The following CELF1 variants were observed in gnomAD, a reference collection of about 807,000 sequenced individuals.
The protein encoded by CELF1 is CUGBP Elav-like family member 1, also known as 50 kDa nuclear polyadenylated RNA-binding protein.
In CELF1, 10 loss-of-function variants were observed where a neutral mutation model predicts 61.8. The observed-to-expected ratio is 0.16, with a 90% CI of 0.10 to 0.27. The LOEUF is 0.27. Ranked by LOEUF, CELF1 falls within the 10% of genes least tolerant of loss-of-function variation. CELF1 has a pLI of 1.00. For synonymous variants in CELF1, 236 were observed against 225.1 expected (o/e 1.05, Z -0.43); for missense variants, 380 against 639.1 (o/e 0.59, Z 4.37).
intron 2 of CELF1, among the ~76,000 whole-genome samples, chr11:47,560,887 C>CCAG (rs1448639527): frequency 1.3e-5 from 2 of 152,188 alleles, no homozygotes; most frequent in Non-Finnish European, 2.9e-5. Context: ...GCCTGTAAGC[C>CCAG]CAGCACTTTG....
At chr11:47,475,245 C>A in intron 13 of CELF1, 91 bp downstream of exon 13, 1 of 1,205,532 alleles carries the variant, frequency 8.3e-7, no homozygotes, top group Admixed American at 1.8e-5. Flanking sequence ...GACGACCTAA[C>A]TGGTTCCCTC....
chr11:47,473,920 T>C (rs1009173375), intron 13 of CELF1, among the ~76,000 whole-genome samples: 3 of 146,114 alleles, frequency 2.1e-5, no homozygotes, highest in Non-Finnish European at 4.5e-5. Flanking sequence ...TCTTTCTTTT[T>C]TTTTGAGATA....
intron 1 of CELF1, among the ~76,000 whole-genome samples, chr11:47,541,797 A>T: frequency 8.1e-6 from 1 of 123,286 alleles, no homozygotes; most frequent in Admixed American, 8.5e-5. Context: ...AAAGAACGAA[A>T]GAAAGAAAGA....
chr11:47,559,000 T>G (rs1248173376), intron 2 of CELF1, among the ~76,000 whole-genome samples: 1 of 142,052 alleles, frequency 7.0e-6, no homozygotes, highest in African/African-American at 2.6e-5. Context: ...TAATATATGT[T>G]ATACATAATA....
At chr11:47,546,894 C>T (rs997024214) in intron 1 of CELF1, among the ~76,000 whole-genome samples, 10 of 151,436 alleles carry the variant, frequency 6.6e-5, no homozygotes, top group Admixed American at 5.3e-4. Flanking sequence ...GAGAAACCTC[C>T]GTCTCTACTA....
chr11:47,525,614 G>C (rs1462868417), intron 1 of CELF1, among the ~76,000 whole-genome samples: 1 of 152,162 alleles, frequency 6.6e-6, no homozygotes, highest in Non-Finnish European at 1.5e-5. Context: ...GCCCAGCCTG[G>C]TTATGTATTT....
At chr11:47,475,313 C>T in intron 13 of CELF1, 23 bp downstream of exon 13, 1 of 1,611,682 alleles carries the variant, frequency 6.2e-7, no homozygotes, top group Non-Finnish European at 8.5e-7. Flanking sequence ...CCATACCTGA[C>T]CCCGATCTCC....
chr11:47,512,092 C>T (rs756997957), intron 1 of CELF1, among the ~76,000 whole-genome samples: 11 of 152,098 alleles, frequency 7.2e-5, no homozygotes, highest in Admixed American at 4.6e-4. Flanking sequence ...TTAGGCAATC[C>T]ACCCTCCTTG....
chr11:47,552,519 G>A (rs1019327567), intron 1 of CELF1, among the ~76,000 whole-genome samples: 1 of 152,232 alleles, frequency 6.6e-6, no homozygotes, highest in African/African-American at 2.4e-5. Flanking sequence ...CTCGGGAAAA[G>A]CGCTGCCTTC....
chr11:47,502,520 A>G (rs1313106634), intron 1 of CELF1, among the ~76,000 whole-genome samples: 2 of 151,420 alleles, frequency 1.3e-5, no homozygotes, highest in South Asian at 2.1e-4. Context: ...GTGTGTGTGT[A>G]TGTGTGTGTG....
chr11:47,547,652 A>G (rs1284109341), intron 1 of CELF1, among the ~76,000 whole-genome samples: 2 of 149,440 alleles, frequency 1.3e-5, no homozygotes, highest in African/African-American at 2.5e-5. Flanking sequence ...CTAGGCGACA[A>G]GAGCGAAACT....
At chr11:47,477,119 C>T (rs1565750229) in intron 11 of CELF1, 160 bp from the exon 12 acceptor site, 1 of 868,248 alleles carries the variant, frequency 1.2e-6, no homozygotes, top group Non-Finnish European at 1.8e-6. Flanking sequence ...GGCCACAGCA[C>T]ATTGAAAATC....
intron 1 of CELF1, among the ~76,000 whole-genome samples, chr11:47,541,324 A>T: frequency 6.6e-6 from 1 of 152,166 alleles, no homozygotes; most frequent in South Asian, 2.1e-4. Flanking sequence ...AAGGTAAAAG[A>T]ACAAGGAGAA....
At chr11:47,542,516 T>C (rs74825964) in intron 1 of CELF1, among the ~76,000 whole-genome samples, 1 of 151,312 alleles carries the variant, frequency 6.6e-6, no homozygotes, top group Non-Finnish European at 1.5e-5. Context: ...TTTTTTTTTT[T>C]TGAGACAGGG....
intron 1 of CELF1, among the ~76,000 whole-genome samples, chr11:47,542,396 T>C (rs2096832051): frequency 6.6e-6 from 1 of 151,608 alleles, no homozygotes; most frequent in South Asian, 2.1e-4. Flanking sequence ...TCTGCACCCA[T>C]GAACATATCT....
intron 2 of CELF1, among the ~76,000 whole-genome samples, chr11:47,563,448 G>A (rs143474110): frequency 0.011 from 1,630 of 152,316 alleles, 22 homozygotes; most frequent in Non-Finnish European, 0.016. Flanking sequence ...CACTTTGGGA[G>A]ACCAAGGCGG....
intron 1 of CELF1, among the ~76,000 whole-genome samples, chr11:47,552,440 AC>A (rs1218852175): frequency 6.6e-6 from 1 of 152,210 alleles, no homozygotes; most frequent in Non-Finnish European, 1.5e-5. Flanking sequence ...CTGGGTGAGC[AC>A]CTGATGTGGG....
intron 1 of CELF1, among the ~76,000 whole-genome samples, chr11:47,545,002 G>A (rs1358658493): frequency 6.6e-6 from 1 of 152,122 alleles, no homozygotes; most frequent in South Asian, 2.1e-4. Flanking sequence ...CAAAGAATAG[G>A]CCAGACATGG....
At chr11:47,522,001 C>T (rs2095929723) in intron 1 of CELF1, among the ~76,000 whole-genome samples, 1 of 151,866 alleles carries the variant, frequency 6.6e-6, no homozygotes, top group African/African-American at 2.4e-5. Context: ...ACCTCCATCT[C>T]CCGGATTCGA....
Sources: gnomAD v4.1 joint callset for allele counts (sites outside exome capture counted in the v4.1 genomes callset) on GRCh38, gnomAD v4.1.1 for gene constraint, MANE v1.5 for transcripts, NCBI Gene and HGNC (gene_info 2026-07-23, HGNC 2026-07-21) for gene names.